Variants in ATG12 observed in about 807,000 individuals in gnomAD.
ATG12 encodes autophagy related 12.
A neutral mutation model predicts 17.6 loss-of-function variants in ATG12; 19 were observed. That is an observed-to-expected ratio of 1.08 (90% confidence interval 0.75 to 1.58). ATG12 has a LOEUF of 1.58. ATG12 is among the 40% of genes most tolerant of loss of function. ATG12 has a pLI of 0.00. For missense variants in ATG12, 214 were observed against 162.0 expected (o/e 1.32, Z -1.74); for synonymous variants, 75 against 62.4 (o/e 1.20, Z -0.95).
In ATG12 at chr5:115,828,680, TTTG is replaced by T. The variant is rs1392618661; in HGVS notation, c.*3121_*3123del. ...AAAACTTAAACTATACAAAATTTCC[TTTG>T]TTTTTAGCTGTCATACTTTGCTAAT... On this transcript the variant is annotated 3_prime_UTR_variant, in exon 4 of 4. Transcript: ENST00000509910. 6.6e-6 allele frequency: 1 copy of T among 152,214 alleles called. No homozygotes were observed. Among genetic ancestry groups the T allele is most frequent in the African/African-American group, 2.4e-5 (1 of 41,466 alleles). The allele number at this position is 152,214 out of a possible 1,614,324, so 9.4% of individuals were successfully genotyped here.
intron 1 of ATG12, 196 bp downstream of exon 1, chr5:115,841,194 T>G: frequency 1.5e-6 from 1 of 645,776 alleles, no homozygotes; most frequent in Non-Finnish European, 2.6e-6. Flanking sequence ...CCTACACCGA[T>G]AGACAGAGAT....
chr5:115,832,591 T>G lies in ATG12; in HGVS notation c.363+11A>C. On this transcript the variant is annotated intron_variant, in intron 3 of 3. Transcript: ENST00000509910. ...TCTTTCTTTTTTTTTTTTTTTTTTT[T>G]TTTTTTTTACCTCATAGAGAGTTCC... 1 of 1,450,790 alleles carries G rather than the reference T, an allele frequency of 6.9e-7. No individual in the cohort carries two copies. The highest frequency in any genetic ancestry group is 9.0e-7 in the Non-Finnish European group (1 of 1,107,658). 89.9% of individuals were successfully genotyped at this position (1,450,790 alleles called of 1,614,324 possible). A position where few individuals can be genotyped will look rare whatever the true frequency, so the allele number is the denominator to read the frequency against.
intron 3 of ATG12, 35 bp downstream of exon 3, chr5:115,832,567 C>CTTTTTTTTTTTTTTTTTTT (rs1561450485): frequency 9.7e-7 from 1 of 1,031,940 alleles, no homozygotes; most frequent in Non-Finnish European, 1.2e-6. Context: ...GCAGTAATTT[C>CTTTTTTTTTTTTTTTTTTT]TTTCTTTTTT....
At chr5:115,832,571 C>CTTTTTTTTTT (rs35310189) in intron 3 of ATG12, 31 bp downstream of exon 3, 14 of 802,462 alleles carry the variant, frequency 1.7e-5, no homozygotes, top group African/African-American at 1.3e-4. Flanking sequence ...TAATTTCTTT[C>CTTTTTTTTTT]TTTTTTTTTT....
intron 2 of ATG12, chr5:115,834,044 T>A (rs1426051582): frequency 1.3e-5 from 2 of 152,138 alleles, no homozygotes; most frequent in Non-Finnish European, 2.9e-5. Flanking sequence ...TCTAATGAAG[T>A]ATGTAGCGTA....
Position 115,832,609 on chromosome 5 carries a change from A to C in ATG12, c.356T>G (p.Leu119Arg). ...APSPDQEVGT[L>R]YECFGSDGKL... ...TTTTTTTTTTTTTTTTACCTCATAG[A>C]GAGTTCCAACTTCTTGGTCTGGGGA... Residue 119 changes from leucine (L) to arginine (R), a missense_variant, in exon 3 of 4, where the codon CTC (leucine) becomes CGC (arginine). By Grantham distance (102) the Leu-to-Arg change is moderately radical. Transcript: ENST00000509910. 1.4e-6 allele frequency: 1 copy of C among 714,720 alleles called. No homozygotes were observed. The highest frequency in any genetic ancestry group is 1.7e-5 in the South Asian group (1 of 57,586). The allele number at this position is 714,720 out of a possible 1,614,324, so 44.3% of individuals were successfully genotyped here. A position where few individuals can be genotyped will look rare whatever the true frequency, so the allele number is the denominator to read the frequency against.
Position 115,831,609 on chromosome 5 carries a change from T to C in ATG12, c.*195A>G, listed in dbSNP as rs372574699. On this transcript the variant is annotated 3_prime_UTR_variant, in exon 4 of 4. Transcript: ENST00000509910. The stretch of plus-strand genomic sequence containing the variant: ...TATCATGACCATCTTTTATGATGAC[T>C]GGTGCATTAATACAAATCACATTTT... 1.1e-5 allele frequency: 7 copies of C among 626,506 alleles called. No individual in the cohort carries two copies. Among genetic ancestry groups the C allele is most frequent in the South Asian group, 9.4e-5 (5 of 53,244 alleles). The allele number at this position is 626,506 out of a possible 1,614,324, so 38.8% of individuals were successfully genotyped here.
rs774781021 is a variant in ATG12 at position 115,841,531 on chromosome 5, C to CA, written c.21dup (p.Val8CysfsTer49). On this transcript the variant is annotated frameshift_variant, in exon 1 of 4. Transcript: ENST00000509910. LOFTEE classifies it high-confidence loss of function. ...GCAATTGAAGTAGGAAGCTGCAACA[C>CA]AGACTGCGGCTCCTCCGCCATCTTG... The CA allele has an allele frequency of 5.0e-6, 8 of 1,613,346 alleles. No individual in the cohort carries two copies. The highest frequency in any genetic ancestry group is 6.8e-6 in the Non-Finnish European group (8 of 1,179,770).
rs1760928361 is a variant in ATG12, at chr5:115,832,593, TTTTTTTA to T, written c.363+2_363+8del. The T allele has an allele frequency of 1.4e-6, 2 of 1,451,430 alleles. No individual in the cohort carries two copies. Among genetic ancestry groups the T allele is most frequent in the Non-Finnish European group, 1.8e-6 (2 of 1,101,350 alleles). 89.9% of individuals were successfully genotyped at this position (1,451,430 alleles called of 1,614,324 possible). ...TTTCTTTTTTTTTTTTTTTTTTTTT[TTTTTTTA>T]CCTCATAGAGAGTTCCAACTTCTTG... On this transcript the variant is annotated splice_donor_variant and splice_donor_5th_base_variant and intron_variant, in intron 3 of 3. Coordinates refer to ENST00000509910, the MANE Select transcript of ATG12 (RefSeq NM_004707.4). LOFTEE classifies it high-confidence loss of function.
At chr5:115,838,003 C>A in intron 1 of ATG12, 1 of 360,188 alleles carries the variant, frequency 2.8e-6, no homozygotes, top group Non-Finnish European at 4.9e-6. Context: ...CAGGCAGTTC[C>A]AAAGAGAGGA....
intron 2 of ATG12, 119 bp from the exon 3 acceptor site, chr5:115,832,783 G>A: frequency 1.0e-6 from 1 of 964,554 alleles, no homozygotes; most frequent in East Asian, 2.9e-5. Context: ...AAGCTTCTCT[G>A]AACTCCTAAC....
chr5:115,837,443 GC>G (rs1261309682), intron 2 of ATG12, among the ~76,000 whole-genome samples, 184 bp downstream of exon 2: 1 of 151,644 alleles, frequency 6.6e-6, no homozygotes, highest in Admixed American at 6.6e-5. Context: ...CTGCACTCCA[GC>G]CTGGGCAACA....
At chr5:115,840,437 A>T (rs1173839178) in intron 1 of ATG12, 1 of 268,898 alleles carries the variant, frequency 3.7e-6, no homozygotes, top group Non-Finnish European at 7.0e-6. Context: ...AGCTGGGATT[A>T]CAGGCGCGCG....
At chr5:115,835,737 G>C (rs896768451) in intron 2 of ATG12, among the ~76,000 whole-genome samples, 1 of 152,060 alleles carries the variant, frequency 6.6e-6, no homozygotes, top group African/African-American at 2.4e-5. Context: ...ATCTATTAGC[G>C]TTTTTGAGGT....
intron 3 of ATG12, 84 bp downstream of exon 3, chr5:115,832,518 C>T: frequency 7.6e-7 from 1 of 1,309,420 alleles, no homozygotes; most frequent in Non-Finnish European, 1.0e-6. Flanking sequence ...ACACAATATA[C>T]ATATTATACA....
In ATG12 at chr5:115,831,838, A is replaced by G; in HGVS notation, c.389T>C (p.Val130Ala). Residue 130 changes from valine (V) to alanine (A), a missense_variant, in exon 4 of 4, where the codon GTT becomes GCT. Val to Ala is a moderately conservative substitution (Grantham distance 64, BLOSUM62 0). Transcript: ENST00000509910. Reference protein sequence around the residue: ...YECFGSDGKLVLHYCKSQAWG With the variant: ...YECFGSDGKLALHYCKSQAWG ...CGCCTGAGACTTGCAGTAATGTAAAACCAGTTTACCATCACTGCCAAAACA... is the reference window on the plus strand; with the variant it reads ...CGCCTGAGACTTGCAGTAATGTAAAGCCAGTTTACCATCACTGCCAAAACA... 6.2e-7 allele frequency: 1 copy of G among 1,612,578 alleles called. No homozygotes were observed. Among genetic ancestry groups the G allele is most frequent in the Non-Finnish European group, 8.5e-7 (1 of 1,179,466 alleles).
chr5:115,835,885 C>A (rs933920365), intron 2 of ATG12, among the ~76,000 whole-genome samples: 1 of 151,968 alleles, frequency 6.6e-6, no homozygotes, highest in Non-Finnish European at 1.5e-5. Flanking sequence ...ATGGGGATAC[C>A]TTATCACCTA....
At chr5:115,833,999 G>C (rs570278553) in intron 2 of ATG12, 4 of 152,290 alleles carry the variant, frequency 2.6e-5, no homozygotes, top group South Asian at 2.1e-4. Context: ...GAGAGGCAGA[G>C]ACACACATGA....
At position 115,829,238 on chromosome 5, in the gene ATG12, GAA is replaced by G. The variant is rs1760764569; in HGVS notation, c.*2564_*2565del. The G allele has an allele frequency of 1.3e-5, 2 of 152,168 alleles. No homozygotes were observed. The highest frequency in any genetic ancestry group is 6.5e-5 in the Admixed American group (1 of 15,278). 9.4% of individuals were successfully genotyped at this position (152,168 alleles called of 1,614,324 possible). A position where few individuals can be genotyped will look rare whatever the true frequency, so the allele number is the denominator to read the frequency against. On this transcript the variant is annotated 3_prime_UTR_variant, in exon 4 of 4. Transcript: ENST00000509910. ...TTGGAAAATGAAGCAGAAACTGCAT[GAA>G]AAGAGATTTTTATTTTCACACTCCT...
Sources: allele counts gnomAD v4.1 joint callset (sites outside exome capture counted in the v4.1 genomes callset), GRCh38; gene constraint gnomAD v4.1.1; transcripts MANE v1.5; gene names NCBI Gene and HGNC (gene_info 2026-07-23, HGNC 2026-07-21).